The following CDH18 variants were observed in gnomAD, a reference collection of about 807,000 sequenced individuals.
CDH18 encodes cadherin 18, also known as cadherin-18.
Under a neutral mutation model 67.9 loss-of-function variants are expected in CDH18, and 31 were observed. The observed-to-expected ratio is 0.46, with a 90% confidence interval of 0.34 to 0.62. The LOEUF (loss-of-function observed/expected upper bound fraction) is 0.62. Ranked by LOEUF, CDH18 falls within the 20% of genes least tolerant of loss-of-function variation. The pLI is 0.01. For missense variants in CDH18, 890 were observed against 975.5 expected (o/e 0.91, Z 1.17); for synonymous variants, 362 against 347.2 (o/e 1.04, Z -0.48).
intron 1 of CDH18, among the ~76,000 whole-genome samples, chr5:19,987,725 G>A (rs1799714792): frequency 1.3e-5 from 2 of 152,052 alleles, no homozygotes; most frequent in African/African-American, 2.4e-5. Context: ...AGACATAAAT[G>A]ACAGCTTATA....
intron 2 of CDH18, among the ~76,000 whole-genome samples, chr5:20,094,072 C>G (rs903427309): frequency 4.0e-5 from 6 of 151,896 alleles, no homozygotes; most frequent in Non-Finnish European, 8.8e-5. Flanking sequence ...AGGAAATATC[C>G]CATGCTCTCA....
chr5:20,184,552 AG>A (rs1737946479), intron 2 of CDH18, among the ~76,000 whole-genome samples: 1 of 152,110 alleles, frequency 6.6e-6, no homozygotes, highest in African/African-American at 2.4e-5. Flanking sequence ...AATGACTATA[AG>A]GTTATGTGTC....
chr5:20,117,593 A>G (rs1748027327), intron 2 of CDH18, among the ~76,000 whole-genome samples: 1 of 152,184 alleles, frequency 6.6e-6, no homozygotes, highest in South Asian at 2.1e-4. Flanking sequence ...TATAAACAAT[A>G]TTTACCACAA....
intron 2 of CDH18, among the ~76,000 whole-genome samples, chr5:20,017,815 G>A (rs1017618355): frequency 1.3e-5 from 2 of 152,140 alleles, no homozygotes; most frequent in Non-Finnish European, 1.5e-5. Flanking sequence ...TCTTAGTCAC[G>A]CTGTTAAGGA....
chr5:19,640,110 T>G (rs1753795445), intron 5 of CDH18, among the ~76,000 whole-genome samples: 2 of 152,192 alleles, frequency 1.3e-5, no homozygotes. Context: ...TTATGAGAAA[T>G]GCTTCAGGTA....
chr5:20,369,038 G>T (rs1367244553), intron 1 of CDH18, among the ~76,000 whole-genome samples: 3 of 151,926 alleles, frequency 2.0e-5, no homozygotes, highest in East Asian at 1.9e-4. Context: ...ACTTAGAGTT[G>T]GAAATAAATC....
chr5:20,294,794 T>C (rs979424525), intron 1 of CDH18, among the ~76,000 whole-genome samples: 2 of 152,200 alleles, frequency 1.3e-5, no homozygotes, highest in Non-Finnish European at 2.9e-5. Context: ...TTTGCTTGTG[T>C]GTTTACTTCA....
chr5:20,275,503 A>T (rs146359434), intron 1 of CDH18, among the ~76,000 whole-genome samples: 6 of 152,286 alleles, frequency 3.9e-5, no homozygotes, highest in Admixed American at 3.9e-4. Flanking sequence ...CTTTATAGCA[A>T]TGTGAAAACT....
chr5:19,501,445 AAAAC>A (rs1245730644), intron 11 of CDH18, among the ~76,000 whole-genome samples: 5 of 150,830 alleles, frequency 3.3e-5, no homozygotes, highest in South Asian at 2.1e-4. Context: ...TCTACTGAAA[AAAAC>A]AAACAAACAA....
At chr5:19,649,483 T>C (rs1755257476) in intron 5 of CDH18, among the ~76,000 whole-genome samples, 1 of 152,098 alleles carries the variant, frequency 6.6e-6, no homozygotes, top group African/African-American at 2.4e-5. Flanking sequence ...TTTACTGATA[T>C]GTAAATATTT....
intron 3 of CDH18, among the ~76,000 whole-genome samples, chr5:19,817,233 T>C (rs1779385453): frequency 2.0e-5 from 3 of 151,954 alleles, no homozygotes. Context: ...CTATGTGTTG[T>C]TATCTCTGTA....
At chr5:20,411,116 T>C (rs1305334253) in intron 1 of CDH18, among the ~76,000 whole-genome samples, 1 of 151,912 alleles carries the variant, frequency 6.6e-6, no homozygotes, top group Non-Finnish European at 1.5e-5. Context: ...CTCAAATTCA[T>C]ATGGAAACAC....
At chr5:19,619,430 G>A (rs1206637726) in intron 5 of CDH18, among the ~76,000 whole-genome samples, 1 of 152,110 alleles carries the variant, frequency 6.6e-6, no homozygotes, top group East Asian at 1.9e-4. Flanking sequence ...GAGTACCTGT[G>A]GGGGAAGGCC....
intron 2 of CDH18, among the ~76,000 whole-genome samples, chr5:20,244,024 T>C (rs1283401269): frequency 6.6e-6 from 1 of 152,150 alleles, no homozygotes; most frequent in African/African-American, 2.4e-5. Context: ...GAGTTAAAAA[T>C]GTATGAAGAC....
intron 5 of CDH18, among the ~76,000 whole-genome samples, chr5:19,709,498 C>T (rs1020309794): frequency 6.6e-6 from 1 of 151,720 alleles, no homozygotes; most frequent in Non-Finnish European, 1.5e-5. Flanking sequence ...AACTGGGAGG[C>T]AGAGGCTGCA....
intron 1 of CDH18, among the ~76,000 whole-genome samples, chr5:20,493,062 T>G (rs1333363915): frequency 1.3e-5 from 2 of 152,066 alleles, no homozygotes; most frequent in East Asian, 1.9e-4. Context: ...ATGAAATATG[T>G]TTTTGGCCCG....
At chr5:19,930,971 A>C (rs930949360) in intron 2 of CDH18, among the ~76,000 whole-genome samples, 2 of 152,018 alleles carry the variant, frequency 1.3e-5, no homozygotes. Context: ...CAAGACTCTC[A>C]GTTGCTACAT....
intron 2 of CDH18, among the ~76,000 whole-genome samples, chr5:19,953,832 A>G (rs936703327): frequency 6.6e-6 from 1 of 151,966 alleles, no homozygotes. Context: ...TCCTGCTTTA[A>G]TTTTTTTCTG....
chr5:20,220,399 A>AAGT (rs1181199781), intron 2 of CDH18, among the ~76,000 whole-genome samples: 5 of 152,014 alleles, frequency 3.3e-5, no homozygotes, highest in Non-Finnish European at 5.9e-5. Context: ...TTTTATACAT[A>AAGT]GTGCTGAGAG....
Sources: allele counts gnomAD v4.1 joint callset (sites outside exome capture counted in the v4.1 genomes callset), GRCh38; gene constraint gnomAD v4.1.1; transcripts MANE v1.5; gene names NCBI Gene and HGNC (gene_info 2026-07-23, HGNC 2026-07-21).